MTERF4: variants seen among roughly 807,000 people sequenced by gnomAD.
The protein encoded by MTERF4 is mitochondrial transcription termination factor 4.
A neutral mutation model predicts 22.5 loss-of-function variants in MTERF4; 17 were observed. The ratio of observed to expected loss-of-function variants is 0.75; its 90% CI spans 0.52 to 1.13. The LOEUF (loss-of-function observed/expected upper bound fraction) is 1.13. Among genes scored for constraint, MTERF4 ranks in the 50% most tolerant of loss-of-function variants. MTERF4 has a pLI of 0.00. For missense variants in MTERF4, 420 were observed against 466.8 expected (o/e 0.90, Z 0.92); for synonymous variants, 165 against 175.3 (o/e 0.94, Z 0.47).
chr2:241,049,118 A>G, the MTERF4 span: 5 of 1,611,190 alleles, frequency 3.1e-6, no homozygotes, highest in African/African-American at 6.7e-5. Context: ...TGCCACACCG[A>G]CCACAATGCC....
chr2:241,087,479 C>T (rs1386954223), downstream of MTERF4: 3 of 1,598,578 alleles, frequency 1.9e-6, no homozygotes. Context: ...CAAACAGGTG[C>T]CTCTGGGGAG....
chr2:241,066,271 G>GA, the MTERF4 span, among the ~76,000 whole-genome samples: 1 of 152,182 alleles, frequency 6.6e-6, no homozygotes, highest in Admixed American at 6.5e-5. Context: ...TCGGGGAGCA[G>GA]AAGATGCTGA....
downstream of MTERF4, chr2:241,091,866 C>T (rs16843242): frequency 0.094 from 14,371 of 152,538 alleles, 745 homozygotes; most frequent in East Asian, 0.21. The surrounding 1 kb of genome is among the most constrained non-coding windows in gnomAD (Gnocchi z 4.1). Context: ...GTGAGTCCTG[C>T]GATGCGTTTA....
chr2:241,089,480 G>C, downstream of MTERF4: 2 of 1,516,682 alleles, frequency 1.3e-6, no homozygotes, highest in Admixed American at 4.2e-5. Context: ...CACCCCCTTG[G>C]GGGAAAGGTC....
chr2:241,050,146 C>CATT, the MTERF4 span: 4 of 610,708 alleles, frequency 6.5e-6, 1 homozygote, highest in South Asian at 7.5e-5. Context: ...GCCTGCTGGT[C>CATT]ATTACCTTGC....
chr2:241,067,496 C>CT (rs1306797857), downstream of MTERF4, among the ~76,000 whole-genome samples: 4 of 152,246 alleles, frequency 2.6e-5, no homozygotes, highest in Admixed American at 6.5e-5. Context: ...TAAATGGAGA[C>CT]TAAGACCCCT....
chr2:241,100,006 AT>A, intron 1 of MTERF4, 112 bp from the exon 2 acceptor site: 2 of 1,340,936 alleles, frequency 1.5e-6, no homozygotes, highest in Non-Finnish European at 2.0e-6. Flanking sequence ...CAAACATACA[AT>A]TTTTATAAGC....
At chr2:241,048,823 A>G in the MTERF4 span, 2 of 1,436,696 alleles carry the variant, frequency 1.4e-6, no homozygotes, top group Non-Finnish European at 1.9e-6. Flanking sequence ...TAATCGGGAA[A>G]TGAATGGTGG....
chr2:241,069,168 G>A, downstream of MTERF4: 1 of 616,232 alleles, frequency 1.6e-6, no homozygotes, highest in South Asian at 2.0e-5. The surrounding 1 kb of genome is among the most constrained non-coding windows in gnomAD (Gnocchi z 4.9). Context: ...TTCCGCTGGG[G>A]CCACTGGGCA....
chr2:241,070,330 C>A, downstream of MTERF4: 1 of 993,274 alleles, frequency 1.0e-6, no homozygotes, highest in Non-Finnish European at 1.4e-6. Flanking sequence ...ACCGTGTTAG[C>A]AGGGGAGGAG....
intron 4 of MTERF4, chr2:241,081,671 T>C: frequency 1.9e-6 from 3 of 1,588,156 alleles, no homozygotes; most frequent in South Asian, 1.1e-5. Flanking sequence ...TGACCTCTGT[T>C]TCCAGACGTC....
rs1253380618 is a variant in MTERF4, at chr2:241,097,377, G to A, written c.571C>T (p.Gln191Ter). Residue 191 changes from glutamine to a stop codon, truncating the protein, a stop_gained, in exon 3 of 4, where the codon CAG becomes TAG. Transcript: ENST00000391980. LOFTEE classifies it high-confidence loss of function. ...CTGACAGTGTCGTTAATGTCCTGCTGGCGCATGGTGAAAATTTCAGGGCAA... is the reference window on the plus strand; with the variant it reads ...CTGACAGTGTCGTTAATGTCCTGCTAGCGCATGGTGAAAATTTCAGGGCAA... ...YCCPEIFTMR[Q>*]QDINDTVRLL... is the part of the protein sequence containing the mutation. 1 of 1,614,182 alleles carries A rather than the reference G, an allele frequency of 6.2e-7. No individual in the cohort carries two copies.
chr2:241,057,644 A>C, the MTERF4 span, among the ~76,000 whole-genome samples: 36 of 151,978 alleles, frequency 2.4e-4, no homozygotes, highest in Admixed American at 2.4e-3. Flanking sequence ...TGATCATGCC[A>C]CTGCCCTCCA....
At chr2:241,072,049 C>A (rs1363002832), downstream of MTERF4, 16 of 713,572 alleles carry the variant, frequency 2.2e-5, no homozygotes, top group Non-Finnish European at 4.0e-5. Flanking sequence ...GGGCCGCCGG[C>A]AGCATGCACC....
At chr2:241,065,228 C>G in the MTERF4 span, 1 of 1,528,466 alleles carries the variant, frequency 6.5e-7, no homozygotes, top group Non-Finnish European at 8.9e-7. Flanking sequence ...GCTGAGCCGC[C>G]GACGGGAGCC....
At chr2:241,045,610 A>C in the MTERF4 span, among the ~76,000 whole-genome samples, 20 of 152,004 alleles carry the variant, frequency 1.3e-4, no homozygotes, top group South Asian at 2.1e-4. Context: ...TAAAAAAAAA[A>C]CCTCAACTTC....
chr2:241,069,095 C>T, downstream of MTERF4: 1 of 1,035,284 alleles, frequency 9.7e-7, no homozygotes, highest in South Asian at 1.5e-5. The surrounding 1 kb of genome is among the most constrained non-coding windows in gnomAD (Gnocchi z 4.9). Context: ...TTCCAGCCTC[C>T]CCTAGTCCTC....
At chr2:241,083,823 C>G (rs2063446592), downstream of MTERF4, among the ~76,000 whole-genome samples, 1 of 152,068 alleles carries the variant, frequency 6.6e-6, no homozygotes, top group Non-Finnish European at 1.5e-5. Context: ...GTCTGACAGT[C>G]TGGTTTTTAT....
chr2:241,070,270 A>T, downstream of MTERF4: 2 of 1,477,578 alleles, frequency 1.4e-6, no homozygotes, highest in East Asian at 4.9e-5. Context: ...TTCAGGACTG[A>T]CCTGGCCCTG....
Sources: gnomAD v4.1 joint callset for allele counts (sites outside exome capture counted in the v4.1 genomes callset) on GRCh38, gnomAD v4.1.1 for gene constraint, Gnocchi (gnomAD v3.1) non-coding constraint, MANE v1.5 for transcripts, NCBI Gene and HGNC (gene_info 2026-07-23, HGNC 2026-07-21) for gene names.